The following SATB2 variants were observed in gnomAD, a reference collection of about 807,000 sequenced individuals.
SATB2 encodes SATB homeobox 2, also known as DNA-binding protein SATB2.
In SATB2, 1 loss-of-function variant was observed where a neutral mutation model predicts 73.4. That is an observed-to-expected ratio of 0.01 (90% CI 0.00 to 0.06). The LOEUF (loss-of-function observed/expected upper bound fraction) is 0.06. Among genes scored for constraint, SATB2 ranks in the 10% least tolerant of loss-of-function variants. The probability of loss-of-function intolerance (pLI) is 1.00; values close to 1 mark genes in which losing one functional copy is unlikely to be tolerated. For synonymous variants in SATB2, 397 were observed against 367.0 expected, an observed-to-expected ratio of 1.08 and a Z score of -0.93; for missense variants, 459 against 945.8, an observed-to-expected ratio of 0.49 and a Z score of 6.75.
At chr2:199,376,311 G>T (rs1689603917) in intron 5 of SATB2, among the ~76,000 whole-genome samples, 1 of 152,184 alleles carries the variant, frequency 6.6e-6, no homozygotes, top group East Asian at 1.9e-4. Context: ...TTTTGGAACT[G>T]CCAAGAACAC....
intron 5 of SATB2, among the ~76,000 whole-genome samples, chr2:199,377,628 G>A (rs1244856524): frequency 2.0e-5 from 3 of 152,230 alleles, no homozygotes; most frequent in East Asian, 3.9e-4. Flanking sequence ...TGAAATATAA[G>A]GCTGAACAGT....
chr2:199,403,509 G>C (rs1413838715), intron 3 of SATB2, among the ~76,000 whole-genome samples: 1 of 152,076 alleles, frequency 6.6e-6, no homozygotes, highest in African/African-American at 2.4e-5. Context: ...GTAACACCAA[G>C]GGGGAATTTT....
At chr2:199,428,925 G>T (rs1295312741) in intron 3 of SATB2, among the ~76,000 whole-genome samples, 1 of 149,360 alleles carries the variant, frequency 6.7e-6, no homozygotes, top group East Asian at 2.0e-4. Context: ...AAGATTGCTT[G>T]AACCCAAAAG....
At chr2:199,413,697 A>C (rs1690889107) in intron 3 of SATB2, among the ~76,000 whole-genome samples, 2 of 151,854 alleles carry the variant, frequency 1.3e-5, no homozygotes, top group African/African-American at 4.8e-5. Flanking sequence ...ATTCCAGAAT[A>C]ATAAAGGCAG....
chr2:199,321,631 A>G (rs1295976109), intron 9 of SATB2, among the ~76,000 whole-genome samples: 1 of 151,830 alleles, frequency 6.6e-6, no homozygotes, highest in Admixed American at 6.6e-5. Context: ...TATATATGCC[A>G]TGTACCAAAT....
upstream of SATB2, chr2:199,458,595 C>A (rs1436784978): frequency 6.9e-6 from 3 of 431,936 alleles, no homozygotes; most frequent in Non-Finnish European, 9.2e-6. Context: ...CTCGTCCCGG[C>A]GCGGAGGCGG....
intron 7 of SATB2, among the ~76,000 whole-genome samples, chr2:199,338,787 C>A (rs1688414803): frequency 6.6e-6 from 1 of 151,830 alleles, no homozygotes; most frequent in African/African-American, 2.4e-5. Flanking sequence ...CATGGCAGTG[C>A]ATGCCTGTAG....
upstream of SATB2, chr2:199,468,052 T>G (rs1162261707): frequency 6.6e-6 from 1 of 151,728 alleles, no homozygotes; most frequent in African/African-American, 2.4e-5. Flanking sequence ...TTCTTTCTTT[T>G]TCTTTCTCTC....
Position 199,366,771 on chromosome 2 carries a change from T to C in SATB2, c.700+1834A>G, listed in dbSNP as rs369862470. Among the ~76,000 whole-genome samples, 64 of 151,392 alleles carry C rather than the reference T, an allele frequency of 4.2e-4. 1 individual carries two copies. The highest frequency in any genetic ancestry group is 1.2e-3 in the African/African-American group (50 of 41,308). On this transcript the variant is annotated intron_variant, in intron 6 of 10. Coordinates refer to ENST00000417098, the MANE Select transcript of SATB2 (RefSeq NM_001172509.2). ...GAATGAAATCAAGGTCTCAGTCTGC[T>C]TTTACAGCACTTAAAGATTTAATTG...
intron 8 of SATB2, among the ~76,000 whole-genome samples, chr2:199,328,423 G>A (rs1688093051): frequency 6.6e-6 from 1 of 151,906 alleles, no homozygotes; most frequent in Non-Finnish European, 1.5e-5. Context: ...TGCCTCTAAT[G>A]CCAGCTACTT....
chr2:199,355,348 C>CTATATATATA (rs72202602), intron 6 of SATB2, among the ~76,000 whole-genome samples: 3,868 of 134,006 alleles, frequency 0.029, 376 homozygotes, highest in East Asian at 0.18. Context: ...GTGTGTGTAT[C>CTATATATATA]TATATATATA....
intron 10 of SATB2, among the ~76,000 whole-genome samples, chr2:199,284,336 A>G (rs1692621248): frequency 6.6e-6 from 1 of 152,230 alleles, no homozygotes; most frequent in Non-Finnish European, 1.5e-5. Flanking sequence ...ATGAATAGGT[A>G]AAAGAAAAAG....
At chr2:199,423,191 T>C (rs1691223742) in intron 3 of SATB2, among the ~76,000 whole-genome samples, 3 of 152,158 alleles carry the variant, frequency 2.0e-5, no homozygotes, top group African/African-American at 7.2e-5. Flanking sequence ...TAACATTTTA[T>C]TACATATTGA....
At chr2:199,287,593 G>A (rs890552327) in intron 10 of SATB2, among the ~76,000 whole-genome samples, 3 of 151,600 alleles carry the variant, frequency 2.0e-5, no homozygotes, top group Non-Finnish European at 2.9e-5. Context: ...TGGTGGGGGG[G>A]GAGATTATCT....
intron 4 of SATB2, among the ~76,000 whole-genome samples, chr2:199,381,464 C>T (rs1689772916): frequency 6.6e-6 from 1 of 152,180 alleles, no homozygotes; most frequent in African/African-American, 2.4e-5. Flanking sequence ...CCCTAGGTTA[C>T]CACTTCACTG....
chr2:199,305,782 C>A (rs1011207817), intron 10 of SATB2, among the ~76,000 whole-genome samples: 7 of 152,114 alleles, frequency 4.6e-5, no homozygotes, highest in Non-Finnish European at 7.4e-5. Flanking sequence ...GCACAGAAAT[C>A]ACTGCCTCAT....
intron 9 of SATB2, among the ~76,000 whole-genome samples, chr2:199,310,098 C>T (rs1368385117): frequency 6.6e-6 from 1 of 152,214 alleles, no homozygotes; most frequent in Non-Finnish European, 1.5e-5. Context: ...GCCTCTTCCT[C>T]GCGGCCTCCA....
At chr2:199,343,800 T>C (rs944875581) in intron 7 of SATB2, among the ~76,000 whole-genome samples, 2 of 152,240 alleles carry the variant, frequency 1.3e-5, no homozygotes, top group Non-Finnish European at 2.9e-5. Context: ...CTCATGTTGA[T>C]TGAAAGTGAA....
At chr2:199,380,752 A>T (rs1251240352) in intron 4 of SATB2, among the ~76,000 whole-genome samples, 1 of 152,126 alleles carries the variant, frequency 6.6e-6, no homozygotes, top group Admixed American at 6.5e-5. Context: ...ATAAAATATG[A>T]TTTTTCCAAT....
Sources: gnomAD v4.1 joint callset for allele counts (sites outside exome capture counted in the v4.1 genomes callset) on GRCh38, gnomAD v4.1.1 for gene constraint, MANE v1.5 for transcripts, NCBI Gene and HGNC (gene_info 2026-07-23, HGNC 2026-07-21) for gene names.